The following WDR72 variants were observed in gnomAD, a reference collection of about 807,000 sequenced individuals.
WDR72 encodes WD repeat-containing protein 72.
Under a neutral mutation model 124.2 loss-of-function variants are expected in WDR72, and 120 were observed. That is an observed-to-expected ratio of 0.97 (90% CI 0.83 to 1.12). The LOEUF is 1.12. WDR72 is among the 50% of genes most tolerant of loss of function. WDR72 has a pLI of 0.00. For missense variants in WDR72, 1,387 were observed against 1,278.8 expected (o/e 1.08, Z -1.29); for synonymous variants, 452 against 441.7 (o/e 1.02, Z -0.29).
chr15:53,751,067 C>A (rs1487164806), intron 1 of WDR72, among the ~76,000 whole-genome samples: 1 of 152,076 alleles, frequency 6.6e-6, no homozygotes, highest in Non-Finnish European at 1.5e-5. Flanking sequence ...AAAAGTTCTG[C>A]TGTGGGTAAA....
At chr15:53,523,142 CT>C (rs1396593312) in intron 19 of WDR72, 75 bp downstream of exon 19, 15 of 1,370,228 alleles carry the variant, frequency 1.1e-5, no homozygotes, top group Non-Finnish European at 1.6e-5. Context: ...GTCCTCTCCC[CT>C]CACCCCCTTC....
Position 53,551,597 on chromosome 15 carries a change from T to C in WDR72, c.3149-28275A>G, listed in dbSNP as rs1893731714. Among the ~76,000 whole-genome samples, 6 of 152,168 alleles carry C rather than the reference T, an allele frequency of 3.9e-5. No individual in the cohort carries two copies. In the South Asian group the frequency reaches 1.2e-3, roughly 31 times the overall value. On this transcript the variant is annotated intron_variant, in intron 18 of 19. Transcript: ENST00000360509. ...TTATCACCATGAATTTGGTTACTTA[T>C]GCAAACATACAATTCTTATGCTATG... is the stretch of plus-strand genomic sequence containing the variant.
chr15:53,638,101 T>C (rs750589547), intron 14 of WDR72, among the ~76,000 whole-genome samples: 4 of 152,212 alleles, frequency 2.6e-5, no homozygotes, highest in Non-Finnish European at 4.4e-5. Context: ...TCCTTTTAAC[T>C]GTAAGGAATG....
intron 18 of WDR72, among the ~76,000 whole-genome samples, chr15:53,554,641 T>C (rs1254121775): frequency 1.3e-5 from 2 of 152,112 alleles, no homozygotes; most frequent in Non-Finnish European, 2.9e-5. Context: ...CCATTCTAAT[T>C]AGTAACATGG....
chr15:53,695,042 C>T (rs1344010054), intron 13 of WDR72, among the ~76,000 whole-genome samples: 1 of 152,114 alleles, frequency 6.6e-6, no homozygotes, highest in African/African-American at 2.4e-5. Flanking sequence ...ATACGGACCA[C>T]AAAGCAGAAA....
At chr15:53,545,522 T>C (rs562147197) in intron 18 of WDR72, among the ~76,000 whole-genome samples, 1 of 151,724 alleles carries the variant, frequency 6.6e-6, no homozygotes, top group Non-Finnish European at 1.5e-5. Context: ...TCAAGATGGA[T>C]TAAAGACTTA....
chr15:53,743,890 G>C (rs1325649248), intron 1 of WDR72, among the ~76,000 whole-genome samples: 2 of 151,962 alleles, frequency 1.3e-5, no homozygotes, highest in South Asian at 4.2e-4. Flanking sequence ...CAGGAGAATG[G>C]CGTGAACCCG....
chr15:53,669,311 T>C (rs1394112175), intron 13 of WDR72, among the ~76,000 whole-genome samples: 1 of 152,164 alleles, frequency 6.6e-6, no homozygotes, highest in Non-Finnish European at 1.5e-5. Flanking sequence ...CACTACACCA[T>C]AGCAGCTTCT....
chr15:53,729,219 TCTC>T (rs2018129247), intron 2 of WDR72, among the ~76,000 whole-genome samples: 1 of 152,104 alleles, frequency 6.6e-6, no homozygotes, highest in Admixed American at 6.6e-5. Flanking sequence ...TCAGTTTTCA[TCTC>T]CTCTTCATCC....
chr15:53,665,736 C>G lies in WDR72; in HGVS notation c.1798G>C (p.Ala600Pro). Residue 600 changes from alanine to proline, a missense_variant, in exon 14 of 20, where the codon GCA (alanine) becomes CCA (proline). Ala to Pro is a conservative substitution (Grantham distance 27, BLOSUM62 -1). Coordinates refer to ENST00000360509, the MANE Select transcript of WDR72 (RefSeq NM_182758.4). ...TLERHETGER[A>P]RIILNCCDDS... ...TCACAACAATTAAGAATAATTCGTG[C>G]TCTTTCTCCTGTCTCATGTCTTTCC... 6.2e-7 allele frequency: 1 copy of G among 1,613,840 alleles called. No individual in the cohort carries two copies. Among genetic ancestry groups the G allele is most frequent in the Non-Finnish European group, 8.5e-7 (1 of 1,179,844 alleles).
At chr15:53,729,060 C>A (rs1444743755) in intron 2 of WDR72, among the ~76,000 whole-genome samples, 1 of 152,122 alleles carries the variant, frequency 6.6e-6, no homozygotes, top group African/African-American at 2.4e-5. Flanking sequence ...CCCCTTTATT[C>A]CTTATGCAAA....
intron 16 of WDR72, among the ~76,000 whole-genome samples, chr15:53,610,909 T>G (rs976572604): frequency 6.6e-6 from 1 of 152,110 alleles, no homozygotes; most frequent in Non-Finnish European, 1.5e-5. Context: ...AAGCTAAGTA[T>G]TGGTCTCAAC....
rs542278410 is a variant in WDR72, at chr15:53,657,649, G to C, written c.1962+7923C>G. Among the ~76,000 whole-genome samples the C allele has an allele frequency of 2.4e-4, 37 of 152,200 alleles. No individual in the cohort carries two copies. In the South Asian group the frequency reaches 5.0e-3, roughly 20 times the overall value. On this transcript the variant is annotated intron_variant, in intron 14 of 19. Transcript: ENST00000360509. ...GTTAATGAAATATTGTAGGGGGAGA[G>C]AAACTGAAATAAATCTAAAGCTAAG... is the stretch of plus-strand genomic sequence containing the variant.
At chr15:53,712,674 G>T (rs1472044074) in intron 7 of WDR72, 98 bp downstream of exon 7, 11 of 1,221,032 alleles carry the variant, frequency 9.0e-6, no homozygotes, top group South Asian at 1.3e-5. Context: ...CTATTACAGA[G>T]AATTTGTATC....
intron 1 of WDR72, among the ~76,000 whole-genome samples, chr15:53,742,765 G>A (rs1345951109): frequency 6.6e-6 from 1 of 152,012 alleles, no homozygotes; most frequent in Non-Finnish European, 1.5e-5. Context: ...CAACAATACT[G>A]TAGTACATTA....
intron 13 of WDR72, among the ~76,000 whole-genome samples, chr15:53,688,445 A>G (rs1419639811): frequency 1.3e-5 from 2 of 151,470 alleles, no homozygotes; most frequent in African/African-American, 4.9e-5. Flanking sequence ...CCAAATCATG[A>G]GTGAACTCCC....
chr15:53,602,222 C>T (rs1349409301), intron 17 of WDR72, among the ~76,000 whole-genome samples: 2 of 152,016 alleles, frequency 1.3e-5, no homozygotes, highest in Non-Finnish European at 2.9e-5. Context: ...ATTGAATAAC[C>T]TACTCCTGAA....
At chr15:53,718,884 G>C (rs754124796) in intron 3 of WDR72, among the ~76,000 whole-genome samples, 1 of 144,096 alleles carries the variant, frequency 6.9e-6, no homozygotes, top group Non-Finnish European at 1.5e-5. Flanking sequence ...TTATTTCAAT[G>C]AAAAGAAAAC....
intron 18 of WDR72, among the ~76,000 whole-genome samples, chr15:53,554,468 C>T (rs1893853711): frequency 6.6e-6 from 1 of 152,104 alleles, no homozygotes; most frequent in African/African-American, 2.4e-5. Context: ...GTTCAATTTG[C>T]TGTAACTGAA....
Sources: gnomAD v4.1 joint callset for allele counts (sites outside exome capture counted in the v4.1 genomes callset) on GRCh38, gnomAD v4.1.1 for gene constraint, MANE v1.5 for transcripts, NCBI Gene and HGNC (gene_info 2026-07-23, HGNC 2026-07-21) for gene names.